ARHGAP24: variants seen among roughly 807,000 people sequenced by gnomAD.
ARHGAP24 encodes rho GTPase-activating protein 24.
Under a neutral mutation model 76.4 loss-of-function variants are expected in ARHGAP24, and 50 were observed. The observed-to-expected ratio is 0.65, with a 90% CI of 0.52 to 0.83. The LOEUF is 0.83. Ranked by LOEUF, ARHGAP24 falls within the 40% of genes least tolerant of loss-of-function variation. The probability of loss-of-function intolerance (pLI) is 0.00; values close to 1 mark genes in which losing one functional copy is unlikely to be tolerated. For missense variants in ARHGAP24, 930 were observed against 914.2 expected (o/e 1.02, Z -0.22); for synonymous variants, 345 against 323.3 (o/e 1.07, Z -0.72).
chr4:85,567,602 A>T (rs139288783), intron 1 of ARHGAP24, among the ~76,000 whole-genome samples: 2 of 152,194 alleles, frequency 1.3e-5, no homozygotes, highest in East Asian at 1.9e-4. Context: ...TGATTACTTC[A>T]TCAAACATTG....
chr4:85,919,595 A>G (rs2148808262), intron 3 of ARHGAP24, among the ~76,000 whole-genome samples: 1 of 152,276 alleles, frequency 6.6e-6, no homozygotes, highest in Non-Finnish European at 1.5e-5. Context: ...TGTATCTGTG[A>G]TTGGCAGTCT....
intron 3 of ARHGAP24, among the ~76,000 whole-genome samples, chr4:85,877,964 G>A (rs997153495): frequency 2.6e-5 from 4 of 152,122 alleles, no homozygotes; most frequent in African/African-American, 9.7e-5. Flanking sequence ...AATGGTTTAA[G>A]AAGTAGACCT....
At chr4:85,685,756 T>C (rs1438392354) in intron 2 of ARHGAP24, among the ~76,000 whole-genome samples, 1 of 152,242 alleles carries the variant, frequency 6.6e-6, no homozygotes, top group African/African-American at 2.4e-5. Context: ...GGTACTGCTT[T>C]ATGTTTCTGT....
At chr4:85,505,451 C>G (rs1429166963) in intron 1 of ARHGAP24, among the ~76,000 whole-genome samples, 1 of 152,142 alleles carries the variant, frequency 6.6e-6, no homozygotes, top group Non-Finnish European at 1.5e-5. Flanking sequence ...AACTTGTCTT[C>G]TCACTTTATT....
chr4:85,944,229 CAT>C (rs1737119582), intron 5 of ARHGAP24, among the ~76,000 whole-genome samples: 1 of 152,090 alleles, frequency 6.6e-6, no homozygotes, highest in Non-Finnish European at 1.5e-5. Context: ...AGCTTTTTTC[CAT>C]ATGTTTGTTG....
At chr4:85,723,123 T>C (rs1725020564) in intron 3 of ARHGAP24, among the ~76,000 whole-genome samples, 1 of 151,722 alleles carries the variant, frequency 6.6e-6, no homozygotes, top group Admixed American at 6.6e-5. Context: ...CTTAGTGGAA[T>C]ACCCTGTATA....
chr4:85,651,831 GA>G (rs1721958454), intron 2 of ARHGAP24, among the ~76,000 whole-genome samples: 1 of 151,958 alleles, frequency 6.6e-6, no homozygotes, highest in Non-Finnish European at 1.5e-5. Flanking sequence ...TAAGATTAAT[GA>G]AAAAGTATCA....
At chr4:85,911,224 C>T (rs1735057727) in intron 3 of ARHGAP24, among the ~76,000 whole-genome samples, 1 of 152,164 alleles carries the variant, frequency 6.6e-6, no homozygotes, top group Non-Finnish European at 1.5e-5. Flanking sequence ...CTGGGGAGCT[C>T]CCGCCCTAAC....
At chr4:85,742,219 C>T (rs1205100130) in intron 3 of ARHGAP24, among the ~76,000 whole-genome samples, 1 of 152,104 alleles carries the variant, frequency 6.6e-6, no homozygotes, top group Non-Finnish European at 1.5e-5. Context: ...TGGCAGCTGG[C>T]CAAAAGTCTG....
chr4:85,632,334 T>C (rs1305546438), intron 2 of ARHGAP24, among the ~76,000 whole-genome samples: 2 of 152,084 alleles, frequency 1.3e-5, no homozygotes, highest in African/African-American at 4.8e-5. Context: ...ACCTTCTTTT[T>C]CTCAACTTAA....
At chr4:85,599,391 A>G (rs1430034767) in intron 2 of ARHGAP24, among the ~76,000 whole-genome samples, 1 of 152,182 alleles carries the variant, frequency 6.6e-6, no homozygotes, top group Non-Finnish European at 1.5e-5. Flanking sequence ...CCATTATAGT[A>G]TATGTCTTCT....
Position 85,953,961 on chromosome 4 carries a change from G to A in ARHGAP24, c.599+11688G>A, listed in dbSNP as rs185385165. ...ACAGAGATCACTCTGACTGAGAGTTGGTTACAGGGATCAGAGGAAAGGAAG... is the reference window on the plus strand; with the variant it reads ...ACAGAGATCACTCTGACTGAGAGTTAGTTACAGGGATCAGAGGAAAGGAAG... On this transcript the variant is annotated intron_variant, in intron 5 of 9. Transcript: ENST00000395184. 4.6e-4 allele frequency among the ~76,000 whole-genome samples: 70 copies of A among 152,218 alleles called. 2 individuals are homozygous for A. The highest frequency in any genetic ancestry group is 1.7e-3 in the African/African-American group (69 of 41,542).
At chr4:85,664,724 G>A (rs1228105857) in intron 2 of ARHGAP24, among the ~76,000 whole-genome samples, 3,784 of 150,392 alleles carry the variant, frequency 0.025, 138 homozygotes, top group African/African-American at 0.088. Context: ...CTTTGTTCTC[G>A]TTGGTTTCAA....
intron 3 of ARHGAP24, among the ~76,000 whole-genome samples, chr4:85,914,954 A>G (rs1735289595): frequency 6.6e-6 from 1 of 152,234 alleles, no homozygotes; most frequent in African/African-American, 2.4e-5. Flanking sequence ...ATATTTTGAC[A>G]TGAATCTCCC....
chr4:85,938,162 A>C (rs1736757832), intron 4 of ARHGAP24, among the ~76,000 whole-genome samples: 1 of 152,180 alleles, frequency 6.6e-6, no homozygotes. Context: ...TTACGTTCTC[A>C]GTCTAGTGAA....
intron 1 of ARHGAP24, among the ~76,000 whole-genome samples, chr4:85,532,565 A>C (rs766672978): frequency 6.6e-6 from 1 of 152,166 alleles, no homozygotes; most frequent in Non-Finnish European, 1.5e-5. Context: ...TACAGAATTT[A>C]ATCTCCCCAT....
chr4:85,686,541 A>G (rs1344692782), intron 2 of ARHGAP24: 2 of 152,122 alleles, frequency 1.3e-5, no homozygotes, highest in East Asian at 3.9e-4. Context: ...AATTCTGGAG[A>G]GGTATATATA....
chr4:85,768,865 G>T (rs1459041220), intron 3 of ARHGAP24, among the ~76,000 whole-genome samples: 1 of 152,036 alleles, frequency 6.6e-6, no homozygotes, highest in Non-Finnish European at 1.5e-5. Context: ...TCTCCTGCTG[G>T]ACCTAAAAAT....
chr4:85,893,781 G>A (rs193105445), intron 3 of ARHGAP24, among the ~76,000 whole-genome samples: 8 of 151,510 alleles, frequency 5.3e-5, no homozygotes, highest in East Asian at 1.9e-4. Context: ...TTTCTCTCTC[G>A]GGTTCATGTC....
Sources: allele counts gnomAD v4.1 joint callset (sites outside exome capture counted in the v4.1 genomes callset), GRCh38; gene constraint gnomAD v4.1.1; transcripts MANE v1.5; gene names NCBI Gene and HGNC (gene_info 2026-07-23, HGNC 2026-07-21).